Variants in UNC5D observed in about 807,000 individuals in gnomAD.
The protein encoded by UNC5D is unc-5 netrin receptor D.
UNC5D carries 39 observed loss-of-function variants against 105.4 expected under a neutral mutation model. That is an observed-to-expected ratio of 0.37 (90% CI 0.29 to 0.48). The LOEUF (loss-of-function observed/expected upper bound fraction) is 0.48. Among genes scored for constraint, UNC5D ranks in the 20% least tolerant of loss-of-function variants. UNC5D has a pLI of 0.98. For missense variants in UNC5D, 991 were observed against 1,202.4 expected (o/e 0.82, Z 2.60); for synonymous variants, 452 against 450.4 (o/e 1.00, Z -0.04).
At chr8:35,487,248 C>T (rs1006334818) in intron 1 of UNC5D, among the ~76,000 whole-genome samples, 19 of 145,868 alleles carry the variant, frequency 1.3e-4, no homozygotes, top group African/African-American at 4.6e-4. Context: ...ACTCAGGGCC[C>T]AGCTATTTGG....
Position 35,737,593 on chromosome 8 carries a change from C to T in UNC5D, c.1766+6497C>T, listed in dbSNP as rs117569497. On this transcript the variant is annotated intron_variant, in intron 11 of 16. Coordinates refer to ENST00000404895, the MANE Select transcript of UNC5D (RefSeq NM_080872.4). Reference sequence around the variant, plus strand: ...TGAAATCTCACATCAGCTTTTGCCACAGCATGTGACCGTAATCTCATTTAA... The same window carrying T: ...TGAAATCTCACATCAGCTTTTGCCATAGCATGTGACCGTAATCTCATTTAA... Among the ~76,000 whole-genome samples, 1,290 of 152,248 alleles carry T rather than the reference C, an allele frequency of 8.5e-3. 9 individuals carry two copies. The highest frequency in any genetic ancestry group is 0.013 in the Non-Finnish European group (909 of 68,014).
chr8:35,545,618 A>G (rs890871686), intron 1 of UNC5D, among the ~76,000 whole-genome samples: 1 of 152,032 alleles, frequency 6.6e-6, no homozygotes, highest in Non-Finnish European at 1.5e-5. Context: ...AGGGATAGGC[A>G]GTCACTACTC....
At chr8:35,356,726 C>A (rs2128914389) in intron 1 of UNC5D, among the ~76,000 whole-genome samples, 1 of 151,996 alleles carries the variant, frequency 6.6e-6, no homozygotes, top group Non-Finnish European at 1.5e-5. Flanking sequence ...AAATTGCCTG[C>A]ATGACTATTT....
chr8:35,428,542 C>T (rs545524113), intron 1 of UNC5D, among the ~76,000 whole-genome samples: 1 of 151,760 alleles, frequency 6.6e-6, no homozygotes, highest in South Asian at 2.1e-4. Flanking sequence ...TCTCTTCTGC[C>T]CCACTGAAGA....
chr8:35,460,237 A>AG (rs1282724787), intron 1 of UNC5D, among the ~76,000 whole-genome samples: 1 of 152,100 alleles, frequency 6.6e-6, no homozygotes, highest in Non-Finnish European at 1.5e-5. Flanking sequence ...GAATGGGGGT[A>AG]GGGGGGCAGC....
At chr8:35,264,250 A>C (rs1804682386) in intron 1 of UNC5D, among the ~76,000 whole-genome samples, 1 of 152,220 alleles carries the variant, frequency 6.6e-6, no homozygotes, top group Non-Finnish European at 1.5e-5. Context: ...TCTACGTGCA[A>C]ATGAATAGAG....
At chr8:35,300,579 C>T (rs1238831860) in intron 1 of UNC5D, among the ~76,000 whole-genome samples, 3 of 149,832 alleles carry the variant, frequency 2.0e-5, no homozygotes, top group Non-Finnish European at 4.4e-5. Context: ...ATGAACTTCA[C>T]TGTATTATAA....
chr8:35,350,068 TA>T (rs1249490841), intron 1 of UNC5D, among the ~76,000 whole-genome samples: 5 of 152,046 alleles, frequency 3.3e-5, no homozygotes, highest in African/African-American at 7.2e-5. Flanking sequence ...TAAATTAATT[TA>T]TTTTTTTTGC....
At chr8:35,424,941 G>A (rs142711728) in intron 1 of UNC5D, among the ~76,000 whole-genome samples, 4 of 152,314 alleles carry the variant, frequency 2.6e-5, no homozygotes, top group African/African-American at 9.6e-5. Context: ...GTGGGATAGT[G>A]ATGGGGATGT....
intron 1 of UNC5D, among the ~76,000 whole-genome samples, chr8:35,321,394 G>T (rs1809728679): frequency 6.6e-6 from 1 of 152,266 alleles, no homozygotes; most frequent in South Asian, 2.1e-4. Context: ...CCCCACTGCT[G>T]TTCTCGTGGT....
intron 1 of UNC5D, among the ~76,000 whole-genome samples, chr8:35,381,791 A>G (rs1017486370): frequency 6.6e-6 from 1 of 152,218 alleles, no homozygotes; most frequent in Non-Finnish European, 1.5e-5. Flanking sequence ...ATCACAAAGC[A>G]TATAGTCACA....
intron 4 of UNC5D, among the ~76,000 whole-genome samples, chr8:35,622,590 T>C (rs112831612): frequency 6.6e-6 from 1 of 152,188 alleles, no homozygotes; most frequent in Non-Finnish European, 1.5e-5. Flanking sequence ...TTAATTTAAA[T>C]AAGATAATGT....
chr8:35,541,285 T>A (rs1297886634), intron 1 of UNC5D, among the ~76,000 whole-genome samples: 9 of 152,180 alleles, frequency 5.9e-5, no homozygotes, highest in Admixed American at 5.9e-4. Flanking sequence ...TTGAACACGA[T>A]GTGAACCATC....
At chr8:35,572,804 CTT>C (rs34528421) in intron 3 of UNC5D, among the ~76,000 whole-genome samples, 17 of 135,820 alleles carry the variant, frequency 1.3e-4, no homozygotes, top group Non-Finnish European at 6.3e-5. Context: ...TTTTATATTT[CTT>C]TTTTTTTTTT....
In UNC5D at chr8:35,789,173, A is replaced by ATG. The variant is rs1241201259; in HGVS notation, c.2658-1185_2658-1184insGT. 8.3e-4 allele frequency among the ~76,000 whole-genome samples: 76 copies of ATG among 92,076 alleles called. 4 individuals carry two copies. Among genetic ancestry groups the ATG allele is most frequent in the African/African-American group, 3.3e-3 (72 of 21,600 alleles). 60.4% of individuals were successfully genotyped at this position (92,076 alleles called of 152,430 possible). A position where few individuals can be genotyped will look rare whatever the true frequency, so the allele number is the denominator to read the frequency against. On this transcript the variant is annotated intron_variant, in intron 16 of 16. Coordinates refer to ENST00000404895, the MANE Select transcript of UNC5D (RefSeq NM_080872.4). The stretch of plus-strand genomic sequence containing the variant: ...TATATATATATATATATATATATAT[A>ATG]TATATATATATATATGAGATAGGGA...
At chr8:35,319,883 G>A (rs1182562881) in intron 1 of UNC5D, among the ~76,000 whole-genome samples, 1 of 151,910 alleles carries the variant, frequency 6.6e-6, no homozygotes, top group East Asian at 1.9e-4. Flanking sequence ...CATTTAAAAT[G>A]TAACAGTCAT....
At chr8:35,497,437 C>T (rs549657912) in intron 1 of UNC5D, among the ~76,000 whole-genome samples, 2 of 152,282 alleles carry the variant, frequency 1.3e-5, no homozygotes, top group East Asian at 1.9e-4. Context: ...CAGCATGTCA[C>T]GAACCCCATC....
At chr8:35,568,698 A>G (rs1420645469) in intron 3 of UNC5D, among the ~76,000 whole-genome samples, 2 of 152,256 alleles carry the variant, frequency 1.3e-5, no homozygotes, top group African/African-American at 4.8e-5. Context: ...ATCTCAAAAC[A>G]TAAATAAATA....
At chr8:35,462,382 G>T (rs1471871829) in intron 1 of UNC5D, among the ~76,000 whole-genome samples, 1 of 151,810 alleles carries the variant, frequency 6.6e-6, no homozygotes, top group African/African-American at 2.4e-5. Context: ...TTATAAATAT[G>T]GTAGATCTTA....
Sources: allele counts gnomAD v4.1 joint callset (sites outside exome capture counted in the v4.1 genomes callset), GRCh38; gene constraint gnomAD v4.1.1; transcripts MANE v1.5; gene names NCBI Gene and HGNC (gene_info 2026-07-23, HGNC 2026-07-21).